SGMS1: variants seen among roughly 807,000 people sequenced by gnomAD.
The protein encoded by SGMS1 is phosphatidylcholine:ceramide cholinephosphotransferase 1.
Under a neutral mutation model 46.2 loss-of-function variants are expected in SGMS1, and 13 were observed. The ratio of observed to expected loss-of-function variants is 0.28; its 90% CI spans 0.18 to 0.45. The LOEUF (loss-of-function observed/expected upper bound fraction) is 0.45. Ranked by LOEUF, SGMS1 falls within the 20% of genes least tolerant of loss-of-function variation. The pLI is 1.00. For missense variants in SGMS1, 324 were observed against 519.9 expected, an observed-to-expected ratio of 0.62 and a Z score of 3.66; for synonymous variants, 203 against 187.8, an observed-to-expected ratio of 1.08 and a Z score of -0.66.
intron 7 of SGMS1, among the ~76,000 whole-genome samples, chr10:50,328,327 A>C (rs1847561832): frequency 6.6e-6 from 1 of 152,180 alleles, no homozygotes; most frequent in Non-Finnish European, 1.5e-5. Flanking sequence ...CCTTGTGAGG[A>C]GTTCAGATTT....
At chr10:50,581,248 G>A (rs1055919022) in intron 2 of SGMS1, among the ~76,000 whole-genome samples, 1 of 152,222 alleles carries the variant, frequency 6.6e-6, no homozygotes, top group Admixed American at 6.5e-5. Context: ...TGTGCAGCCA[G>A]TGGTAGAGAC....
At chr10:50,395,162 C>A (rs1159367769) in intron 6 of SGMS1, among the ~76,000 whole-genome samples, 1 of 151,934 alleles carries the variant, frequency 6.6e-6, no homozygotes, top group Non-Finnish European at 1.5e-5. Flanking sequence ...GATTAGACAC[C>A]TCCCCAAGAA....
intron 3 of SGMS1, among the ~76,000 whole-genome samples, chr10:50,482,372 T>A (rs1267895882): frequency 1.3e-5 from 2 of 152,206 alleles, no homozygotes; most frequent in Admixed American, 6.5e-5. Context: ...TTATTCAACA[T>A]TCTTAAAGAA....
In SGMS1 at chr10:50,408,431, T is replaced by TAAA. The variant is rs71029307; in HGVS notation, c.-232+25042_-232+25044dup. On this transcript the variant is annotated intron_variant, in intron 6 of 10. Transcript: ENST00000361781. ...GGCAATATACTGAGACCTCATCTCT[T>TAAA]AAAAAAAAAAAAAAAAAAAAAAAAC... is the stretch of plus-strand genomic sequence containing the variant. Among the ~76,000 whole-genome samples the TAAA allele has an allele frequency of 9.8e-4, 93 of 95,172 alleles. 1 individual carries two copies. The highest frequency in any genetic ancestry group is 6.7e-3 in the Middle Eastern group (1 of 150). The allele number at this position is 95,172 out of a possible 152,430, so 62.4% of individuals were successfully genotyped here.
At chr10:50,399,589 G>A (rs147587772) in intron 6 of SGMS1, among the ~76,000 whole-genome samples, 117 of 152,266 alleles carry the variant, frequency 7.7e-4, no homozygotes, top group East Asian at 5.0e-3. Context: ...GCACACAGGA[G>A]GATATATGAG....
chr10:50,564,325 C>T (rs778287761), intron 2 of SGMS1, among the ~76,000 whole-genome samples: 2 of 152,184 alleles, frequency 1.3e-5, no homozygotes, highest in Non-Finnish European at 2.9e-5. Context: ...TTTCCTGACC[C>T]GGGTGGTGGC....
At chr10:50,509,585 T>C (rs1454014434) in intron 3 of SGMS1, among the ~76,000 whole-genome samples, 1 of 152,214 alleles carries the variant, frequency 6.6e-6, no homozygotes, top group Non-Finnish European at 1.5e-5. Flanking sequence ...GAAATTTGAC[T>C]GCACATTGTA....
chr10:50,360,935 T>C (rs1468331053), intron 6 of SGMS1, among the ~76,000 whole-genome samples: 4 of 152,162 alleles, frequency 2.6e-5, no homozygotes, highest in African/African-American at 7.2e-5. Context: ...AGGAAAAGGG[T>C]GAGGCCGTGC....
intron 2 of SGMS1, among the ~76,000 whole-genome samples, chr10:50,527,063 C>CAAAAAAAAAAAAAAAAAAAAAAAAA: frequency 1.1e-5 from 1 of 90,804 alleles, no homozygotes; most frequent in Non-Finnish European, 2.0e-5. Context: ...GACTCTGTCT[C>CAAAAAAAAAAAAAAAAAAAAAAAAA]AAAAAAAAAA....
intron 7 of SGMS1, among the ~76,000 whole-genome samples, chr10:50,331,837 A>T (rs1180832347): frequency 6.6e-6 from 1 of 152,176 alleles, no homozygotes; most frequent in Middle Eastern, 3.2e-3. Flanking sequence ...CCCTTCTGAA[A>T]TGTGAGGACA....
At chr10:50,405,552 G>A (rs1331590971) in intron 6 of SGMS1, among the ~76,000 whole-genome samples, 1 of 152,140 alleles carries the variant, frequency 6.6e-6, no homozygotes, top group Non-Finnish European at 1.5e-5. Context: ...AAACAACTGA[G>A]AAGAAAAATC....
At position 50,530,732 on chromosome 10, in the gene SGMS1, G is replaced by A. The variant is rs185924842; in HGVS notation, c.-588-10811C>T. 5.3e-5 allele frequency among the ~76,000 whole-genome samples: 8 copies of A among 151,860 alleles called. No individual in the cohort carries two copies. The East Asian group carries it at 1.2e-3, about 22-fold the overall frequency. ...ACTCCTGGCCTCAAGCAATGCTCCC[G>A]CCTCGGCCTCTCGAAGCACTGGGAT... On this transcript the variant is annotated intron_variant, in intron 2 of 10. Transcript: ENST00000361781.
chr10:50,512,868 G>A (rs1445587080), intron 3 of SGMS1, among the ~76,000 whole-genome samples: 1 of 152,140 alleles, frequency 6.6e-6, no homozygotes, highest in Non-Finnish European at 1.5e-5. Context: ...AGTACCCGGG[G>A]TAACACATGG....
At chr10:50,337,208 G>T (rs1847730017) in intron 7 of SGMS1, among the ~76,000 whole-genome samples, 1 of 152,138 alleles carries the variant, frequency 6.6e-6, no homozygotes, top group Non-Finnish European at 1.5e-5. Context: ...GTCACTCTAA[G>T]AACAAACATT....
intron 6 of SGMS1, among the ~76,000 whole-genome samples, chr10:50,412,094 A>G (rs911692840): frequency 4.6e-5 from 7 of 152,136 alleles, no homozygotes; most frequent in African/African-American, 7.2e-5. Flanking sequence ...AATTGTCCCA[A>G]TGATGTGAGG....
intron 5 of SGMS1, among the ~76,000 whole-genome samples, chr10:50,453,776 AGGAAGGGAGGGAGGGAGGGGAG>A (rs1837144084): frequency 2.4e-5 from 1 of 41,916 alleles, no homozygotes; most frequent in Non-Finnish European, 5.2e-5. Context: ...GAAGGAAGGG[AGGAAGGGAGGGAGGGAGGGGAG>A]AGGAAGGAGG....
At position 50,391,429 on chromosome 10, in the gene SGMS1, T is replaced by C. The variant is rs74852618; in HGVS notation, c.-232+42047A>G. On this transcript the variant is annotated intron_variant, in intron 6 of 10. Coordinates refer to ENST00000361781, the MANE Select transcript of SGMS1 (RefSeq NM_147156.4). ...TAAGCATATGGAAAAATGCTCAGCA[T>C]TGCCAATCATTAGAGAAATGCAAAT... is the stretch of plus-strand genomic sequence containing the variant. Among the ~76,000 whole-genome samples the C allele has an allele frequency of 9.4e-3, 1,433 of 152,312 alleles. 25 individuals carry two copies. The highest frequency in any genetic ancestry group is 0.032 in the African/African-American group (1,312 of 41,556).
At chr10:50,450,930 A>T (rs1448814977) in intron 5 of SGMS1, among the ~76,000 whole-genome samples, 1 of 151,826 alleles carries the variant, frequency 6.6e-6, no homozygotes, top group Non-Finnish European at 1.5e-5. Flanking sequence ...GAAAAAGAAA[A>T]CTCTAGGAGA....
intron 6 of SGMS1, among the ~76,000 whole-genome samples, chr10:50,376,964 T>G (rs1848531092): frequency 1.3e-5 from 2 of 152,166 alleles, no homozygotes; most frequent in African/African-American, 4.8e-5. Context: ...GAGCACAACA[T>G]TAGACTAAGA....
Sources: allele counts gnomAD v4.1 joint callset (sites outside exome capture counted in the v4.1 genomes callset), GRCh38; gene constraint gnomAD v4.1.1; transcripts MANE v1.5; gene names NCBI Gene and HGNC (gene_info 2026-07-23, HGNC 2026-07-21).